The following RGS22 variants were observed in gnomAD, a reference collection of about 807,000 sequenced individuals.
RGS22 encodes the protein regulator of G-protein signaling 22.
A neutral mutation model predicts 172.9 loss-of-function variants in RGS22; 148 were observed. The observed-to-expected ratio is 0.86, with a 90% CI of 0.75 to 0.98. RGS22 has a LOEUF of 0.98. RGS22 is among the 50% of genes least tolerant of loss of function. The pLI is 0.00. For missense variants in RGS22, 1,347 were observed against 1,440.8 expected, an observed-to-expected ratio of 0.93 and a Z score of 1.05; for synonymous variants, 458 against 480.2, an observed-to-expected ratio of 0.95 and a Z score of 0.60.
At chr8:99,975,258 A>G (rs1005126426) in intron 23 of RGS22, among the ~76,000 whole-genome samples, 1 of 152,210 alleles carries the variant, frequency 6.6e-6, no homozygotes, top group Non-Finnish European at 1.5e-5. Context: ...TGTAATATTA[A>G]GATTATTCTA....
chr8:99,992,201 G>C (rs1239899981), intron 20 of RGS22, among the ~76,000 whole-genome samples: 1 of 152,042 alleles, frequency 6.6e-6, no homozygotes, highest in Non-Finnish European at 1.5e-5. Context: ...GAAGAAACTG[G>C]CATCAATTAA....
intron 7 of RGS22, among the ~76,000 whole-genome samples, chr8:100,065,825 T>C (rs1048996583): frequency 1.2e-4 from 18 of 152,162 alleles, no homozygotes; most frequent in Non-Finnish European, 2.4e-4. Context: ...AATAATGACA[T>C]TGATTGACTG....
At position 99,999,261 on chromosome 8, in the gene RGS22, C is replaced by T. The variant is rs192880981; in HGVS notation, c.2949+1G>A. ...TCAAAAGATTATACTAATTTATATACCTTTATCTTCTGACGTGCTGCAAAC... is the reference window on the plus strand; with the variant it reads ...TCAAAAGATTATACTAATTTATATATCTTTATCTTCTGACGTGCTGCAAAC... On this transcript the variant is annotated splice_donor_variant, in intron 19 of 27. Transcript: ENST00000360863. LOFTEE classifies it high-confidence loss of function. 6.4e-5 allele frequency: 104 copies of T among 1,612,516 alleles called. 1 individual carries two copies. The African/African-American group carries it at 1.3e-3, about 20-fold the overall frequency.
rs550492649 is a variant in RGS22 at position 100,079,163 on chromosome 8, G to A, written c.339+971C>T. 3.3e-5 allele frequency among the ~76,000 whole-genome samples: 5 copies of A among 152,280 alleles called. No individual in the cohort carries two copies. In the South Asian group the frequency reaches 1.0e-3, roughly 32 times the overall value. On this transcript the variant is annotated intron_variant, in intron 4 of 27. Transcript: ENST00000360863. ...AATCAAAAATTTCTATTCACTGAAG[G>A]AAGTGAATAAAACAATAAACATTGT...
rs1563741226 is a variant in RGS22, at chr8:100,105,933, TGCCCGCGCCTGGA to T, written c.-25_-13del. 2 of 1,479,356 alleles carry T rather than the reference TGCCCGCGCCTGGA, an allele frequency of 1.4e-6. No individual in the cohort carries two copies. Among genetic ancestry groups the T allele is most frequent in the East Asian group, 3.0e-5 (1 of 33,520 alleles). The allele number at this position is 1,479,356 out of a possible 1,614,324, so 91.6% of individuals were successfully genotyped here. A position where few individuals can be genotyped will look rare whatever the true frequency, so the allele number is the denominator to read the frequency against. On this transcript the variant is annotated 5_prime_UTR_variant, in exon 1 of 28. Transcript: ENST00000360863. ...CTCTTCTCGGGCATGCCGTCCCCGC[TGCCCGCGCCTGGA>T]GCCCGCGCGGGCCGTCAGGGCCCTA...
chr8:99,978,109 T>C, intron 22 of RGS22, 34 bp from the exon 23 acceptor site: 1 of 1,273,038 alleles, frequency 7.9e-7, no homozygotes, highest in Non-Finnish European at 1.1e-6. Context: ...TACAATTTTA[T>C]ACAAAGGTAC....
intron 2 of RGS22, among the ~76,000 whole-genome samples, chr8:100,104,967 A>G (rs1433377417): frequency 6.6e-6 from 1 of 152,250 alleles, no homozygotes; most frequent in Non-Finnish European, 1.5e-5. Context: ...GGGAGTATTT[A>G]GTACATTTGT....
At chr8:100,047,717 G>T in intron 10 of RGS22, 121 bp from the exon 11 acceptor site, 1 of 820,854 alleles carries the variant, frequency 1.2e-6, no homozygotes. Flanking sequence ...CTCCTACAAT[G>T]CTTCCCAATA....
rs568957821 is a variant in RGS22, at chr8:100,052,678, G to A, written c.1689+124C>T. The A allele has an allele frequency of 3.0e-5, 26 of 865,838 alleles. No homozygotes were observed. The South Asian group carries it at 4.5e-4, about 15-fold the overall frequency. 53.6% of individuals were successfully genotyped at this position (865,838 alleles called of 1,614,324 possible). A position where few individuals can be genotyped will look rare whatever the true frequency, so the allele number is the denominator to read the frequency against. ...TAGGTTTTCTTATTTCCTAAATGTT[G>A]CAGCTTGTACATTAGCAAAAATCAC... On this transcript the variant is annotated intron_variant, in intron 10 of 27. Transcript: ENST00000360863.
At chr8:99,973,482 G>T (rs1204738168) in intron 23 of RGS22, among the ~76,000 whole-genome samples, 1 of 152,126 alleles carries the variant, frequency 6.6e-6, no homozygotes, top group African/African-American at 2.4e-5. Context: ...CATGGACACA[G>T]GGAGGGGAAC....
At chr8:99,978,890 T>C (rs1191254148) in intron 22 of RGS22, among the ~76,000 whole-genome samples, 1 of 152,116 alleles carries the variant, frequency 6.6e-6, no homozygotes, top group Non-Finnish European at 1.5e-5. Context: ...AGCCAACTCA[T>C]AGGGGAAAAG....
intron 14 of RGS22, among the ~76,000 whole-genome samples, chr8:100,022,089 C>T (rs948835245): frequency 6.6e-6 from 1 of 152,054 alleles, no homozygotes; most frequent in African/African-American, 2.4e-5. Context: ...ATGCCGAGAG[C>T]GACTAAATTA....
intron 18 of RGS22, among the ~76,000 whole-genome samples, chr8:100,000,912 G>A (rs1814969279): frequency 6.6e-6 from 1 of 151,594 alleles, no homozygotes; most frequent in South Asian, 2.1e-4. Flanking sequence ...TTTAAATTTG[G>A]TATGCCTTAC....
chr8:99,992,683 C>T (rs1021081421), intron 20 of RGS22, among the ~76,000 whole-genome samples: 2 of 152,066 alleles, frequency 1.3e-5, no homozygotes, highest in African/African-American at 4.8e-5. Flanking sequence ...CTTTAACACC[C>T]CGCTATGAAT....
intron 14 of RGS22, among the ~76,000 whole-genome samples, chr8:100,014,256 C>T (rs543502446): frequency 1.3e-5 from 2 of 152,350 alleles, no homozygotes; most frequent in South Asian, 2.1e-4. Flanking sequence ...TTTCTTAGTG[C>T]CTTGTTTCTT....
intron 14 of RGS22, among the ~76,000 whole-genome samples, chr8:100,016,978 CTTTTTTTTTTTTT>C (rs71274949): frequency 1.2e-3 from 43 of 36,132 alleles, no homozygotes; most frequent in South Asian, 0.01. Flanking sequence ...CCTTACCAGT[CTTTTTTTTTTTTT>C]TTTTTTTTTT....
rs1245783464 is a variant in RGS22 at position 100,060,421 on chromosome 8, T to TATATATATATATATACAC, written c.1514+2169_1514+2170insGTGTATATATATATATAT. Among the ~76,000 whole-genome samples the TATATATATATATATACAC allele has an allele frequency of 1.8e-4, 22 of 119,510 alleles. 1 individual carries two copies. Among genetic ancestry groups the TATATATATATATATACAC allele is most frequent in the African/African-American group, 5.8e-4 (20 of 34,594 alleles). The allele number at this position is 119,510 out of a possible 152,430, so 78.4% of individuals were successfully genotyped here. A position where few individuals can be genotyped will look rare whatever the true frequency, so the allele number is the denominator to read the frequency against. On this transcript the variant is annotated intron_variant, in intron 9 of 27. Transcript: ENST00000360863. ...CTACGTGTATATATATATATATATA[T>TATATATATATATATACAC]ACACACACACACACACACACGCACC...
chr8:100,034,067 C>G (rs1015143171), intron 14 of RGS22, among the ~76,000 whole-genome samples: 1 of 152,130 alleles, frequency 6.6e-6, no homozygotes, highest in Non-Finnish European at 1.5e-5. Flanking sequence ...GACAAGGATG[C>G]CCTCTCTCAC....
At chr8:100,087,481 C>T (rs1812249090) in intron 3 of RGS22, among the ~76,000 whole-genome samples, 2 of 152,024 alleles carry the variant, frequency 1.3e-5, no homozygotes, top group South Asian at 4.1e-4. Flanking sequence ...GAGTAAATTG[C>T]TGGTTCCACA....
Sources: gnomAD v4.1 joint callset for allele counts (sites outside exome capture counted in the v4.1 genomes callset) on GRCh38, gnomAD v4.1.1 for gene constraint, MANE v1.5 for transcripts, NCBI Gene and HGNC (gene_info 2026-07-23, HGNC 2026-07-21) for gene names.